RAB40C: variants seen among roughly 807,000 people sequenced by gnomAD.
RAB40C encodes the protein ras-related protein Rab-40C.
In RAB40C, 8 loss-of-function variants were observed where a neutral mutation model predicts 28.1. The ratio of observed to expected loss-of-function variants is 0.28; its 90% confidence interval spans 0.17 to 0.51. The LOEUF is 0.51. Ranked by LOEUF, RAB40C falls within the 20% of genes least tolerant of loss-of-function variation. The probability of loss-of-function intolerance (pLI) is 0.97; values close to 1 mark genes in which losing one functional copy is unlikely to be tolerated. For synonymous variants in RAB40C, 201 were observed against 171.7 expected, an observed-to-expected ratio of 1.17 and a Z score of -1.34; for missense variants, 288 against 405.9, an observed-to-expected ratio of 0.71 and a Z score of 2.50.
chr16:613,493 C>T (rs1308360575), intron 1 of RAB40C, among the ~76,000 whole-genome samples: 1 of 152,272 alleles, frequency 6.6e-6, no homozygotes, highest in African/African-American at 2.4e-5. Flanking sequence ...GGCCTGGCTT[C>T]TGCACGCCGG....
In RAB40C at chr16:627,305, C is replaced by G. The variant is rs374631388; in HGVS notation, c.566-37C>G. On this transcript the variant is annotated intron_variant, in intron 5 of 5. Coordinates refer to ENST00000248139, the MANE Select transcript of RAB40C (RefSeq NM_021168.5). Reference sequence around the variant, plus strand: ...TCTCCCTGCACAGGGCCTCCTCCCCCACAGCCCCATGGTCTGACACCCCCT... The same window carrying G: ...TCTCCCTGCACAGGGCCTCCTCCCCGACAGCCCCATGGTCTGACACCCCCT... 6.9e-6 allele frequency: 11 copies of G among 1,587,736 alleles called. No individual in the cohort carries two copies. In the East Asian group the frequency reaches 9.0e-5, roughly 13 times the overall value.
At chr16:603,986 G>A (rs1480113394) in intron 1 of RAB40C, among the ~76,000 whole-genome samples, 13 of 152,018 alleles carry the variant, frequency 8.6e-5, no homozygotes, top group African/African-American at 2.4e-5. Flanking sequence ...CCTTGTTGAT[G>A]CACATTTGGG....
intron 5 of RAB40C, among the ~76,000 whole-genome samples, 182 bp downstream of exon 5, chr16:626,303 G>A (rs553982529): frequency 5.3e-5 from 8 of 152,302 alleles, no homozygotes; most frequent in East Asian, 1.9e-4. Flanking sequence ...GGGGAGAGGC[G>A]GCAGCACTGG....
At position 617,004 on chromosome 16, in the gene RAB40C, G is replaced by A. The variant is rs756925999; in HGVS notation, c.143-204G>A. On this transcript the variant is annotated intron_variant, in intron 1 of 5. Transcript: ENST00000248139. ...TGCCCTGCCCTGCCCCGCCCTGCCC[G>A]TGGCCCGTGTGCAGAAGTGGGCAGG... is the stretch of plus-strand genomic sequence containing the variant. The A allele has an allele frequency of 2.9e-5, 17 of 594,280 alleles. No individual in the cohort carries two copies. The South Asian group carries it at 2.9e-4, about 10-fold the overall frequency. The allele number at this position is 594,280 out of a possible 1,614,324, so 36.8% of individuals were successfully genotyped here. A position where few individuals can be genotyped will look rare whatever the true frequency, so the allele number is the denominator to read the frequency against.
intron 3 of RAB40C, chr16:625,088 C>T (rs1393335595): frequency 1.3e-6 from 1 of 747,514 alleles, no homozygotes; most frequent in Non-Finnish European, 1.7e-6. Context: ...GCCGAGAGGA[C>T]ACTTAGCTTC....
intron 1 of RAB40C, among the ~76,000 whole-genome samples, chr16:604,061 C>CT (rs71299921): frequency 0.22 from 30,964 of 138,594 alleles, 4,220 homozygotes; most frequent in East Asian, 0.58. Flanking sequence ...TTTTCTTTTT[C>CT]TTTTTTTTTT....
chr16:596,780 G>A (rs1033505677), intron 1 of RAB40C, among the ~76,000 whole-genome samples: 1 of 152,198 alleles, frequency 6.6e-6, no homozygotes, highest in Non-Finnish European at 1.5e-5. Flanking sequence ...CAGGAGCTGG[G>A]TGGAAGAGGG....
rs2036875563 is a variant in RAB40C at position 627,866 on chromosome 16, G to A, written c.*244G>A. 2 of 465,236 alleles carry A rather than the reference G, an allele frequency of 4.3e-6. No homozygotes were observed. The highest frequency in any genetic ancestry group is 5.5e-5 in the South Asian group (1 of 18,280). The allele number at this position is 465,236 out of a possible 1,614,324, so 28.8% of individuals were successfully genotyped here. ...GGGAATCTTGGTCGGAAACAAGCCGGGCCTCCCCAGCTGCCTGGGCTTGAC... is the reference window on the plus strand; with the variant it reads ...GGGAATCTTGGTCGGAAACAAGCCGAGCCTCCCCAGCTGCCTGGGCTTGAC... On this transcript the variant is annotated 3_prime_UTR_variant, in exon 6 of 6. Coordinates refer to ENST00000248139, the MANE Select transcript of RAB40C (RefSeq NM_021168.5).
chr16:620,070 G>A (rs1371380177), intron 3 of RAB40C, among the ~76,000 whole-genome samples: 1 of 152,224 alleles, frequency 6.6e-6, no homozygotes, highest in Admixed American at 6.5e-5. Flanking sequence ...GCAGGCTCAA[G>A]GATGCATTCC....
rs750725398 is a variant in RAB40C at position 627,787 on chromosome 16, G to A, written c.*165G>A. The A allele has an allele frequency of 2.8e-5, 24 of 851,882 alleles. No homozygotes were observed. The highest frequency in any genetic ancestry group is 1.2e-4 in the African/African-American group (7 of 57,440). 52.8% of individuals were successfully genotyped at this position (851,882 alleles called of 1,614,324 possible). Reference sequence around the variant, plus strand: ...GCCGGGTGCGAGGAGGAGCATGCACGGACCAAGCGCGGCAGGCGGGAGGAG... The same window carrying A: ...GCCGGGTGCGAGGAGGAGCATGCACAGACCAAGCGCGGCAGGCGGGAGGAG... On this transcript the variant is annotated 3_prime_UTR_variant, in exon 6 of 6. Coordinates refer to ENST00000248139, the MANE Select transcript of RAB40C (RefSeq NM_021168.5).
intron 1 of RAB40C, among the ~76,000 whole-genome samples, chr16:609,304 T>G (rs1310603823): frequency 6.6e-6 from 1 of 151,514 alleles, no homozygotes; most frequent in Non-Finnish European, 1.5e-5. Context: ...TCTGGGAAAA[T>G]TGAGTCGTGG....
At chr16:602,298 C>A (rs150192462) in intron 1 of RAB40C, among the ~76,000 whole-genome samples, 1 of 148,266 alleles carries the variant, frequency 6.7e-6, no homozygotes, top group East Asian at 2.0e-4. Context: ...CAGTTTCACT[C>A]TTCCAGGCTG....
intron 3 of RAB40C, among the ~76,000 whole-genome samples, chr16:620,803 C>T (rs1451588254): frequency 3.2e-5 from 4 of 126,980 alleles, no homozygotes; most frequent in South Asian, 2.8e-4. Flanking sequence ...CCCCCGCCGA[C>T]GGGCTCCACC....
chr16:608,989 C>G (rs894106328), intron 1 of RAB40C, among the ~76,000 whole-genome samples: 1 of 152,136 alleles, frequency 6.6e-6, no homozygotes, highest in Non-Finnish European at 1.5e-5. Flanking sequence ...GTGGTGCACA[C>G]CTGTAGTCCC....
chr16:598,577 A>AAAAG (rs1567184777), intron 1 of RAB40C, among the ~76,000 whole-genome samples: 1 of 150,740 alleles, frequency 6.6e-6, no homozygotes, highest in African/African-American at 2.4e-5. Flanking sequence ...AAAAAAAAAA[A>AAAAG]AAAGAAAAAA....
At chr16:621,101 C>T (rs1312227818) in intron 3 of RAB40C, among the ~76,000 whole-genome samples, 4 of 152,354 alleles carry the variant, frequency 2.6e-5, no homozygotes, top group East Asian at 1.9e-4. Flanking sequence ...TTTCCACATG[C>T]GAGGAGCAGG....
chr16:594,570 G>A (rs1207714578), intron 1 of RAB40C, among the ~76,000 whole-genome samples: 1 of 152,154 alleles, frequency 6.6e-6, no homozygotes, highest in East Asian at 1.9e-4. Flanking sequence ...TCGTGGCTCC[G>A]AAGTGGCCAA....
intron 1 of RAB40C, among the ~76,000 whole-genome samples, chr16:601,845 AG>A (rs749614964): frequency 1.7e-4 from 23 of 138,750 alleles, no homozygotes; most frequent in Non-Finnish European, 3.1e-4. Flanking sequence ...AAAAAAAAAA[AG>A]GCCGGATGCG....
intron 1 of RAB40C, among the ~76,000 whole-genome samples, chr16:600,828 C>T (rs947717699): frequency 3.9e-5 from 6 of 152,226 alleles, no homozygotes; most frequent in Non-Finnish European, 7.3e-5. Context: ...TATCAGCAAG[C>T]GGTGACTGCC....
Sources: allele counts gnomAD v4.1 joint callset (sites outside exome capture counted in the v4.1 genomes callset), GRCh38; gene constraint gnomAD v4.1.1; transcripts MANE v1.5; gene names NCBI Gene and HGNC (gene_info 2026-07-23, HGNC 2026-07-21).